The following MYO3B variants were observed in gnomAD, a reference collection of about 807,000 sequenced individuals.
MYO3B encodes myosin IIIB.
Under a neutral mutation model 174.6 loss-of-function variants are expected in MYO3B, and 156 were observed. The observed-to-expected ratio is 0.89, with a 90% confidence interval of 0.78 to 1.02. The LOEUF (loss-of-function observed/expected upper bound fraction) is 1.02. Among genes scored for constraint, MYO3B ranks in the 50% least tolerant of loss-of-function variants. The pLI is 0.00. For missense variants in MYO3B, 1,632 were observed against 1,639.4 expected (o/e 1.00, Z 0.08); for synonymous variants, 563 against 569.1 (o/e 0.99, Z 0.15).
At chr2:170,539,792 T>C (rs996719561) in intron 30 of MYO3B, among the ~76,000 whole-genome samples, 7 of 151,954 alleles carry the variant, frequency 4.6e-5, no homozygotes, top group African/African-American at 1.4e-4. Context: ...GGCTAGTTTT[T>C]TGTATTTTTA....
intron 7 of MYO3B, among the ~76,000 whole-genome samples, chr2:170,248,787 C>T (rs2093219895): frequency 6.6e-6 from 1 of 152,178 alleles, no homozygotes; most frequent in Non-Finnish European, 1.5e-5. Flanking sequence ...ATTTTGTCAG[C>T]TGATTGGTAA....
In MYO3B at chr2:170,514,967, A is replaced by G. The variant is rs1281695449; in HGVS notation, c.3417A>G (p.Ala1139=). 1 of 1,614,104 alleles carries G rather than the reference A, an allele frequency of 6.2e-7. No individual in the cohort carries two copies. The highest frequency in any genetic ancestry group is 1.1e-5 in the South Asian group (1 of 91,064). ...QSSGPHSPVA[A]GTRGSAEVQD... is the part of the protein sequence containing the mutation. ...GTGGGCCACATTCCCCCGTCGCAGC[A>G]GGTACGAGGGGAAGTGCCGAGGTTC... The change falls in exon 29 of 35, where the codon GCA becomes GCG. Residue 1139 remains alanine, a synonymous_variant. Transcript: ENST00000408978.
At chr2:170,377,637 A>G (rs2094304517) in intron 9 of MYO3B, among the ~76,000 whole-genome samples, 1 of 152,196 alleles carries the variant, frequency 6.6e-6, no homozygotes, top group Admixed American at 6.5e-5. Flanking sequence ...TCCAGGAACC[A>G]GTCCAAGCCA....
At chr2:170,508,131 CT>C (rs1416637029) in intron 28 of MYO3B, among the ~76,000 whole-genome samples, 2 of 152,074 alleles carry the variant, frequency 1.3e-5, no homozygotes, top group African/African-American at 2.4e-5. Flanking sequence ...GTAGGTACCC[CT>C]AGGACTCGAT....
intron 7 of MYO3B, among the ~76,000 whole-genome samples, chr2:170,284,429 T>C (rs1372597772): frequency 6.6e-6 from 1 of 151,994 alleles, no homozygotes; most frequent in Non-Finnish European, 1.5e-5. Flanking sequence ...GCTAAGATAA[T>C]AGAGGTGTGT....
At chr2:170,523,152 C>T (rs549203923) in intron 30 of MYO3B, among the ~76,000 whole-genome samples, 27 of 152,184 alleles carry the variant, frequency 1.8e-4, no homozygotes, top group Non-Finnish European at 3.5e-4. Context: ...AGCAAGTTAG[C>T]TTCTCAACAG....
chr2:170,315,084 T>A (rs967757443), intron 7 of MYO3B, among the ~76,000 whole-genome samples: 3 of 152,250 alleles, frequency 2.0e-5, no homozygotes, highest in African/African-American at 2.4e-5. Flanking sequence ...TTGTTCTTAA[T>A]GTTTTATTCT....
intron 1 of MYO3B, among the ~76,000 whole-genome samples, chr2:170,192,821 A>G (rs1331713596): frequency 2.0e-5 from 3 of 151,572 alleles, no homozygotes; most frequent in African/African-American, 7.2e-5. Context: ...AAGAGTTTTA[A>G]TATTCTCAGG....
At chr2:170,311,117 T>C (rs1008691927) in intron 7 of MYO3B, among the ~76,000 whole-genome samples, 1 of 152,188 alleles carries the variant, frequency 6.6e-6, no homozygotes, top group Admixed American at 6.5e-5. Context: ...ATACCTGTTT[T>C]CAGTTCTTTT....
chr2:170,382,424 A>C (rs368491656), intron 10 of MYO3B: 4 of 206,528 alleles, frequency 1.9e-5, no homozygotes, highest in African/African-American at 9.1e-5. Flanking sequence ...AAAATATTTC[A>C]ATTAACCCTT....
At chr2:170,523,938 G>A (rs1329668509) in intron 30 of MYO3B, among the ~76,000 whole-genome samples, 1 of 152,190 alleles carries the variant, frequency 6.6e-6, no homozygotes, top group Non-Finnish European at 1.5e-5. Context: ...AGGCAAAGAA[G>A]AAAGGAAGAG....
chr2:170,517,076 T>C (rs13007341), intron 29 of MYO3B, among the ~76,000 whole-genome samples: 64,304 of 152,058 alleles, frequency 0.42, 14,318 homozygotes, highest in East Asian at 0.51. Flanking sequence ...CAATTTCGGA[T>C]GCTGCCTTGA....
chr2:170,248,222 A>G (rs1435587368), intron 7 of MYO3B, among the ~76,000 whole-genome samples: 1 of 152,118 alleles, frequency 6.6e-6, no homozygotes, highest in Non-Finnish European at 1.5e-5. Flanking sequence ...TCCTTCCGGA[A>G]GGGTGAAGGG....
chr2:170,621,104 G>T (rs1318403551), intron 32 of MYO3B, among the ~76,000 whole-genome samples: 1 of 152,058 alleles, frequency 6.6e-6, no homozygotes, highest in Non-Finnish European at 1.5e-5. Flanking sequence ...GGCCAGGCTG[G>T]TCTCGAACTC....
chr2:170,271,990 CT>C (rs2093428530), intron 7 of MYO3B, among the ~76,000 whole-genome samples: 1 of 151,836 alleles, frequency 6.6e-6, no homozygotes, highest in African/African-American at 2.4e-5. Flanking sequence ...CAGATGCCAG[CT>C]GACTGGTGAG....
At chr2:170,187,901 C>A (rs578148870) in intron 1 of MYO3B, among the ~76,000 whole-genome samples, 2 of 152,186 alleles carry the variant, frequency 1.3e-5, no homozygotes, top group Admixed American at 6.5e-5. Flanking sequence ...ATGATCTATC[C>A]TTGGGAGTGA....
In MYO3B at chr2:170,376,002, G is replaced by A. The variant is rs368734846; in HGVS notation, c.972-6014G>A. Among the ~76,000 whole-genome samples the A allele has an allele frequency of 6.6e-5, 10 of 152,148 alleles. No homozygotes were observed. The South Asian group carries it at 1.7e-3, about 25-fold the overall frequency. On this transcript the variant is annotated intron_variant, in intron 9 of 34. Coordinates refer to ENST00000408978, the MANE Select transcript of MYO3B (RefSeq NM_138995.5). Reference sequence around the variant, plus strand: ...TATGCTGGTGTTACTGATTCTTGCCGCTTAGAGAAGTTGGGTATATCAAAT... The same window carrying A: ...TATGCTGGTGTTACTGATTCTTGCCACTTAGAGAAGTTGGGTATATCAAAT...
intron 22 of MYO3B, among the ~76,000 whole-genome samples, chr2:170,435,506 A>G (rs1002778804): frequency 4.6e-5 from 7 of 152,188 alleles, no homozygotes; most frequent in African/African-American, 1.7e-4. Flanking sequence ...GGAATTACAC[A>G]AAGTCATCGT....
intron 30 of MYO3B, among the ~76,000 whole-genome samples, chr2:170,541,463 C>G (rs1228461354): frequency 6.6e-6 from 1 of 152,156 alleles, no homozygotes; most frequent in East Asian, 1.9e-4. Context: ...ACCATGATAC[C>G]TGGGAAAATC....
Sources: gnomAD v4.1 joint callset for allele counts (sites outside exome capture counted in the v4.1 genomes callset) on GRCh38, gnomAD v4.1.1 for gene constraint, MANE v1.5 for transcripts, NCBI Gene and HGNC (gene_info 2026-07-23, HGNC 2026-07-21) for gene names.